Variants in FSTL4 observed in about 807,000 individuals in gnomAD.
FSTL4 encodes the protein follistatin like 4.
FSTL4 carries 28 observed loss-of-function variants against 78.2 expected under a neutral mutation model. The observed-to-expected ratio is 0.36, with a 90% CI of 0.27 to 0.49. FSTL4 has a LOEUF of 0.49. Among genes scored for constraint, FSTL4 ranks in the 20% least tolerant of loss-of-function variants. FSTL4 has a pLI of 0.98. For missense variants in FSTL4, 922 were observed against 1,084.9 expected (o/e 0.85, Z 2.11); for synonymous variants, 422 against 440.5 (o/e 0.96, Z 0.53).
intron 14 of FSTL4, among the ~76,000 whole-genome samples, chr5:133,203,965 G>A (rs1025692789): frequency 1.1e-5 from 1 of 94,314 alleles, no homozygotes; most frequent in Non-Finnish European, 2.1e-5. Flanking sequence ...GGCCCACAGT[G>A]CCCTAAAGAT....
chr5:133,305,993 G>A (rs973569623), intron 6 of FSTL4, among the ~76,000 whole-genome samples: 37 of 152,222 alleles, frequency 2.4e-4, no homozygotes, highest in African/African-American at 6.8e-4. Context: ...GCCTTCCCAC[G>A]GTGGTCTTCC....
chr5:133,378,454 AC>A (rs1325057645), intron 4 of FSTL4, among the ~76,000 whole-genome samples: 1 of 152,212 alleles, frequency 6.6e-6, no homozygotes, highest in African/African-American at 2.4e-5. Context: ...ACTGAAGAAA[AC>A]CAGCAATGGT....
intron 3 of FSTL4, among the ~76,000 whole-genome samples, chr5:133,526,895 C>T (rs888063506): frequency 3.3e-5 from 5 of 152,138 alleles, no homozygotes; most frequent in Non-Finnish European, 1.5e-5. Context: ...AGCCAACTTC[C>T]TTCACCTCCA....
chr5:133,389,479 C>T (rs904343572), intron 4 of FSTL4, among the ~76,000 whole-genome samples: 59 of 152,200 alleles, frequency 3.9e-4, no homozygotes, highest in African/African-American at 1.4e-3. Context: ...TCACTCTCTG[C>T]GGAATTAGGA....
intron 11 of FSTL4, among the ~76,000 whole-genome samples, chr5:133,223,042 C>G (rs1751199389): frequency 6.6e-6 from 1 of 152,218 alleles, no homozygotes; most frequent in African/African-American, 2.4e-5. Context: ...ATTTCACATT[C>G]CATGGGGCCT....
At chr5:133,272,622 A>G (rs529779593) in intron 6 of FSTL4, among the ~76,000 whole-genome samples, 1 of 152,368 alleles carries the variant, frequency 6.6e-6, no homozygotes, top group East Asian at 1.9e-4. Context: ...TCAATTAAAA[A>G]GTGTCATCCA....
intron 3 of FSTL4, among the ~76,000 whole-genome samples, chr5:133,549,801 G>A (rs1440629566): frequency 6.6e-6 from 1 of 152,192 alleles, no homozygotes; most frequent in African/African-American, 2.4e-5. Context: ...AGCTTAGCTT[G>A]TGGTTCCTGT....
At chr5:133,255,994 AGC>A in intron 6 of FSTL4, among the ~76,000 whole-genome samples, 1 of 152,348 alleles carries the variant, frequency 6.6e-6, no homozygotes, top group East Asian at 1.9e-4. Flanking sequence ...ATTCTTGTCA[AGC>A]TGGTGTTAGT....
chr5:133,324,372 G>C (rs903529540), intron 4 of FSTL4, among the ~76,000 whole-genome samples: 1 of 152,250 alleles, frequency 6.6e-6, no homozygotes, highest in East Asian at 1.9e-4. Flanking sequence ...TGGATCCCAG[G>C]GGTGAGGCAC....
chr5:133,305,637 T>G (rs991142068), intron 6 of FSTL4, among the ~76,000 whole-genome samples: 1 of 152,198 alleles, frequency 6.6e-6, no homozygotes, highest in Non-Finnish European at 1.5e-5. Flanking sequence ...GGTGGCAAGC[T>G]CCCCATGGGC....
At chr5:133,206,854 C>G (rs545697803) in intron 14 of FSTL4, among the ~76,000 whole-genome samples, 80 of 152,172 alleles carry the variant, frequency 5.3e-4, no homozygotes, top group African/African-American at 1.7e-3. Context: ...TTAAATACTT[C>G]CTTTTCAGGC....
chr5:133,227,286 C>T (rs1561630371), intron 8 of FSTL4, among the ~76,000 whole-genome samples: 1 of 152,144 alleles, frequency 6.6e-6, no homozygotes, highest in Non-Finnish European at 1.5e-5. Context: ...CAAGTCAGGC[C>T]ACTAGGGGTG....
chr5:133,416,529 CT>C (rs1465629827), intron 3 of FSTL4, among the ~76,000 whole-genome samples: 1 of 152,128 alleles, frequency 6.6e-6, no homozygotes, highest in Non-Finnish European at 1.5e-5. Context: ...ACATTTATTA[CT>C]TTTATAGACT....
chr5:133,278,891 T>C (rs979192482), intron 6 of FSTL4, among the ~76,000 whole-genome samples: 22 of 152,212 alleles, frequency 1.4e-4, no homozygotes, highest in African/African-American at 4.6e-4. Flanking sequence ...AAAGCCCAGA[T>C]GGCAAGGTAG....
chr5:133,528,336 C>T lies in FSTL4; in HGVS notation c.160+38850G>A, dbSNP rs76734020. On this transcript the variant is annotated intron_variant, in intron 3 of 15. Coordinates refer to ENST00000265342, the MANE Select transcript of FSTL4 (RefSeq NM_015082.2). ...TCATATTGAGTTTTTGTTCCTAACTCAAGCCATGCTCTCTTGCTCTCATGG... is the reference window on the plus strand; with the variant it reads ...TCATATTGAGTTTTTGTTCCTAACTTAAGCCATGCTCTCTTGCTCTCATGG... Among the ~76,000 whole-genome samples, 6 of 152,324 alleles carry T rather than the reference C, an allele frequency of 3.9e-5. No individual in the cohort carries two copies. The East Asian group carries it at 1.2e-3, about 29-fold the overall frequency.
chr5:133,758,901 G>A, the FSTL4 span, among the ~76,000 whole-genome samples: 1 of 152,188 alleles, frequency 6.6e-6, no homozygotes, highest in African/African-American at 2.4e-5. Context: ...GTTCTTCATA[G>A]AGCTGCTTGA....
intron 6 of FSTL4, among the ~76,000 whole-genome samples, chr5:133,281,760 G>C (rs535390904): frequency 3.4e-4 from 52 of 152,326 alleles, no homozygotes; most frequent in South Asian, 1.0e-3. Context: ...CCCAGGACAT[G>C]AAGAGGGGAT....
chr5:133,266,056 G>C (rs1752633780), intron 6 of FSTL4, among the ~76,000 whole-genome samples: 1 of 152,206 alleles, frequency 6.6e-6, no homozygotes, highest in Non-Finnish European at 1.5e-5. Flanking sequence ...CCCTCGCTAA[G>C]GGTGAGCACA....
chr5:133,495,349 T>C (rs1758347914), intron 3 of FSTL4, among the ~76,000 whole-genome samples: 1 of 152,236 alleles, frequency 6.6e-6, no homozygotes, highest in East Asian at 1.9e-4. Context: ...GATCCCACGA[T>C]GTGGCAGGCA....
Sources: allele counts gnomAD v4.1 joint callset (sites outside exome capture counted in the v4.1 genomes callset), GRCh38; gene constraint gnomAD v4.1.1; transcripts MANE v1.5; gene names NCBI Gene and HGNC (gene_info 2026-07-23, HGNC 2026-07-21).